Variants in ARHGAP24 observed in about 807,000 individuals in gnomAD.
ARHGAP24 encodes rho GTPase-activating protein 24.
A neutral mutation model predicts 76.4 loss-of-function variants in ARHGAP24; 50 were observed. The observed-to-expected ratio is 0.65, with a 90% CI of 0.52 to 0.83. ARHGAP24 has a LOEUF of 0.83. Among genes scored for constraint, ARHGAP24 ranks in the 40% least tolerant of loss-of-function variants. The pLI, the probability that ARHGAP24 is intolerant of heterozygous loss-of-function variation, is 0.00. For synonymous variants in ARHGAP24, 345 were observed against 323.3 expected (o/e 1.07, Z -0.72); for missense variants, 930 against 914.2 (o/e 1.02, Z -0.22).
In ARHGAP24 at chr4:85,703,848, T is replaced by C. The variant is rs55954286; in HGVS notation, c.181-18037T>C. 9.8e-3 allele frequency among the ~76,000 whole-genome samples: 1,486 copies of C among 152,230 alleles called. 24 individuals carry two copies. The highest frequency in any genetic ancestry group is 0.033 in the African/African-American group (1,381 of 41,544). The stretch of plus-strand genomic sequence containing the variant: ...CAGGTTTATTGAGGTATAATTTACA[T>C]AGAGTTATGTAATCACCACCACAAT... On this transcript the variant is annotated intron_variant, in intron 2 of 9. Coordinates refer to ENST00000395184, the MANE Select transcript of ARHGAP24 (RefSeq NM_001025616.3).
At chr4:85,617,084 A>T (rs1720565526) in intron 2 of ARHGAP24, among the ~76,000 whole-genome samples, 1 of 147,664 alleles carries the variant, frequency 6.8e-6, no homozygotes, top group Non-Finnish European at 1.5e-5. Context: ...ATAAATATGT[A>T]TTATATATAT....
chr4:85,692,615 T>C (rs959838549), intron 2 of ARHGAP24, among the ~76,000 whole-genome samples: 2 of 152,236 alleles, frequency 1.3e-5, no homozygotes, highest in Non-Finnish European at 2.9e-5. Flanking sequence ...TATTCTTCTG[T>C]TAATATTTTG....
chr4:85,974,449 C>T (rs937911093), intron 6 of ARHGAP24, among the ~76,000 whole-genome samples: 1 of 152,108 alleles, frequency 6.6e-6, no homozygotes, highest in Non-Finnish European at 1.5e-5. Context: ...TTTCAATTAT[C>T]CTCCCTCCCC....
intron 3 of ARHGAP24, among the ~76,000 whole-genome samples, chr4:85,730,531 C>T (rs1188993959): frequency 6.6e-6 from 1 of 152,136 alleles, no homozygotes; most frequent in Non-Finnish European, 1.5e-5. Flanking sequence ...CTCAGCCTCC[C>T]GAGTAGTAGC....
intron 3 of ARHGAP24, among the ~76,000 whole-genome samples, chr4:85,732,990 G>A (rs147731127): frequency 0.011 from 1,462 of 135,818 alleles, 23 homozygotes; most frequent in African/African-American, 0.037. Context: ...GAGCCACCGC[G>A]CCCGACCTCA....
At chr4:85,972,791 A>G (rs1433926385) in intron 6 of ARHGAP24, among the ~76,000 whole-genome samples, 4 of 152,062 alleles carry the variant, frequency 2.6e-5, no homozygotes, top group African/African-American at 9.7e-5. Flanking sequence ...TTCTGCCCCT[A>G]TAGATTTGCC....
At chr4:85,736,649 G>A (rs549632173) in intron 3 of ARHGAP24, among the ~76,000 whole-genome samples, 111 of 152,258 alleles carry the variant, frequency 7.3e-4, no homozygotes, top group African/African-American at 2.4e-3. Flanking sequence ...AAGGAACACC[G>A]ATCAAGTCCA....
chr4:85,680,516 C>T (rs1026873), intron 2 of ARHGAP24, among the ~76,000 whole-genome samples: 74,239 of 151,688 alleles, frequency 0.49, 18,847 homozygotes, highest in African/African-American at 0.6. Flanking sequence ...AGATCACAGA[C>T]CCAGGAGTTA....
intron 1 of ARHGAP24, among the ~76,000 whole-genome samples, chr4:85,527,706 A>G (rs1725066964): frequency 6.6e-6 from 1 of 152,032 alleles, no homozygotes; most frequent in Non-Finnish European, 1.5e-5. Flanking sequence ...TTGTATACTC[A>G]TTCTCATCCT....
At chr4:85,582,262 T>C (rs1417776412) in intron 2 of ARHGAP24, among the ~76,000 whole-genome samples, 2 of 152,128 alleles carry the variant, frequency 1.3e-5, no homozygotes, top group Non-Finnish European at 2.9e-5. Flanking sequence ...AATATTGAAG[T>C]AAAAATCTTG....
At chr4:85,649,407 A>C (rs1379994139) in intron 2 of ARHGAP24, among the ~76,000 whole-genome samples, 1 of 152,080 alleles carries the variant, frequency 6.6e-6, no homozygotes, top group Non-Finnish European at 1.5e-5. Context: ...TCAATATTTA[A>C]ATGAAATTCT....
intron 1 of ARHGAP24, among the ~76,000 whole-genome samples, chr4:85,548,322 G>C (rs996646043): frequency 1.3e-5 from 2 of 152,118 alleles, no homozygotes; most frequent in Non-Finnish European, 2.9e-5. Context: ...AGGTGTACTC[G>C]TTGCTACTGA....
At chr4:85,649,031 GTGTGTT>G (rs1047155993) in intron 2 of ARHGAP24, among the ~76,000 whole-genome samples, 13 of 107,328 alleles carry the variant, frequency 1.2e-4, no homozygotes, top group Admixed American at 6.4e-4. Flanking sequence ...GTGTGTGTGT[GTGTGTT>G]TGTGTGTGTG....
intron 3 of ARHGAP24, among the ~76,000 whole-genome samples, chr4:85,747,496 G>A (rs1578193672): frequency 6.6e-6 from 1 of 152,338 alleles, no homozygotes; most frequent in East Asian, 1.9e-4. Flanking sequence ...GAGGTCAGGA[G>A]ATCGAGACCA....
chr4:85,561,331 A>C (rs138186223), intron 1 of ARHGAP24, among the ~76,000 whole-genome samples: 2 of 152,316 alleles, frequency 1.3e-5, no homozygotes, highest in Admixed American at 1.3e-4. Context: ...TCCCATAAAC[A>C]TATTTAGGCT....
At chr4:85,690,190 G>A (rs372089909) in intron 2 of ARHGAP24, among the ~76,000 whole-genome samples, 24 of 152,094 alleles carry the variant, frequency 1.6e-4, no homozygotes, top group South Asian at 4.2e-4. Context: ...TCTTTGTTGC[G>A]GATTTTTGCA....
At chr4:85,613,795 G>A (rs1040505995) in intron 2 of ARHGAP24, among the ~76,000 whole-genome samples, 4 of 152,090 alleles carry the variant, frequency 2.6e-5, no homozygotes, top group Non-Finnish European at 4.4e-5. Flanking sequence ...TACATTAAAT[G>A]GATCTTCATT....
chr4:85,846,260 A>G (rs1349724089), intron 3 of ARHGAP24, among the ~76,000 whole-genome samples: 2 of 152,176 alleles, frequency 1.3e-5, no homozygotes, highest in Non-Finnish European at 2.9e-5. Context: ...TCATGGGGTT[A>G]TTACTTACAT....
intron 2 of ARHGAP24, among the ~76,000 whole-genome samples, chr4:85,622,782 C>T (rs557707472): frequency 3.3e-5 from 5 of 152,202 alleles, no homozygotes; most frequent in South Asian, 2.1e-4. Flanking sequence ...TTTTAATGAT[C>T]GCCATTCTAA....
Sources: gnomAD v4.1 joint callset for allele counts (sites outside exome capture counted in the v4.1 genomes callset) on GRCh38, gnomAD v4.1.1 for gene constraint, MANE v1.5 for transcripts, NCBI Gene and HGNC (gene_info 2026-07-23, HGNC 2026-07-21) for gene names.